BTBD9: variants seen among roughly 807,000 people sequenced by gnomAD.
BTBD9 encodes the protein BTB domain containing 9.
Under a neutral mutation model 64.3 loss-of-function variants are expected in BTBD9, and 49 were observed. The ratio of observed to expected loss-of-function variants is 0.76; its 90% CI spans 0.61 to 0.97. The LOEUF (loss-of-function observed/expected upper bound fraction) is 0.97, where lower values mean the gene tolerates loss of function less well. Among genes scored for constraint, BTBD9 ranks in the 50% least tolerant of loss-of-function variants. The pLI is 0.00. For synonymous variants in BTBD9, 260 were observed against 274.7 expected (o/e 0.95, Z 0.53); for missense variants, 598 against 762.1 (o/e 0.78, Z 2.53).
chr6:38,456,134 T>C (rs1769794794), intron 6 of BTBD9, among the ~76,000 whole-genome samples: 1 of 151,980 alleles, frequency 6.6e-6, no homozygotes, highest in Non-Finnish European at 1.5e-5. Context: ...ATTACTGGCA[T>C]GTGCCACCAC....
intron 1 of BTBD9, among the ~76,000 whole-genome samples, chr6:38,600,997 A>G (rs1015523763): frequency 6.6e-6 from 1 of 152,190 alleles, no homozygotes; most frequent in Non-Finnish European, 1.5e-5. Flanking sequence ...TAATTAGACT[A>G]GTGATTCTCA....
At chr6:38,427,427 G>T (rs1441341224) in intron 6 of BTBD9, among the ~76,000 whole-genome samples, 2 of 151,954 alleles carry the variant, frequency 1.3e-5, no homozygotes, top group African/African-American at 4.9e-5. Flanking sequence ...TTTTGTAAAA[G>T]CTCCCCAAAT....
At chr6:38,533,641 G>A (rs1351441959) in intron 6 of BTBD9, among the ~76,000 whole-genome samples, 1 of 152,076 alleles carries the variant, frequency 6.6e-6, no homozygotes, top group Non-Finnish European at 1.5e-5. Context: ...CATATGTTAG[G>A]TCACAAAAAA....
intron 6 of BTBD9, among the ~76,000 whole-genome samples, chr6:38,565,008 G>T (rs1775426914): frequency 1.3e-5 from 2 of 152,054 alleles, no homozygotes; most frequent in South Asian, 4.2e-4. Flanking sequence ...AGCTTAAACT[G>T]ATTCCTTCAC....
chr6:38,596,871 G>A (rs1777055004), intron 2 of BTBD9, among the ~76,000 whole-genome samples: 2 of 151,256 alleles, frequency 1.3e-5, no homozygotes, highest in South Asian at 4.2e-4. Context: ...ATTTTAAAAA[G>A]AGGAAGAAAT....
At chr6:38,383,758 C>T (rs563630235) in intron 6 of BTBD9, among the ~76,000 whole-genome samples, 6 of 152,286 alleles carry the variant, frequency 3.9e-5, no homozygotes, top group African/African-American at 9.6e-5. Context: ...TTACACTAAA[C>T]GGTGAGTAAT....
At chr6:38,183,898 G>A (rs909900190) in intron 10 of BTBD9, among the ~76,000 whole-genome samples, 3 of 152,174 alleles carry the variant, frequency 2.0e-5, no homozygotes, top group African/African-American at 4.8e-5. Flanking sequence ...TTATGGAGGG[G>A]TTACTGTGTG....
At chr6:38,411,025 C>A (rs1236932135) in intron 6 of BTBD9, among the ~76,000 whole-genome samples, 1 of 152,070 alleles carries the variant, frequency 6.6e-6, no homozygotes, top group Non-Finnish European at 1.5e-5. Context: ...AATATCCTTA[C>A]CAACTCTCCA....
At chr6:38,445,815 C>T (rs1001284424) in intron 6 of BTBD9, among the ~76,000 whole-genome samples, 2 of 152,174 alleles carry the variant, frequency 1.3e-5, no homozygotes, top group African/African-American at 4.8e-5. Flanking sequence ...ACCATATAAT[C>T]TGGCAAGATG....
chr6:38,356,644 G>C (rs1183343818), intron 6 of BTBD9, among the ~76,000 whole-genome samples: 1 of 152,020 alleles, frequency 6.6e-6, no homozygotes, highest in Non-Finnish European at 1.5e-5. Context: ...TTTTGTTTCA[G>C]ATTAGTTTCC....
At chr6:38,378,000 T>C (rs901186347) in intron 6 of BTBD9, among the ~76,000 whole-genome samples, 3 of 152,142 alleles carry the variant, frequency 2.0e-5, no homozygotes, top group Non-Finnish European at 2.9e-5. Flanking sequence ...CACCCTTCAA[T>C]ATGTCTGCGT....
At chr6:38,489,679 A>T (rs1030448085) in intron 6 of BTBD9, among the ~76,000 whole-genome samples, 2 of 152,220 alleles carry the variant, frequency 1.3e-5, no homozygotes, top group African/African-American at 4.8e-5. Context: ...GCATTATTCA[A>T]AATATTTTTC....
At chr6:38,389,803 T>G (rs1036627700) in intron 6 of BTBD9, among the ~76,000 whole-genome samples, 4 of 152,218 alleles carry the variant, frequency 2.6e-5, no homozygotes, top group African/African-American at 9.6e-5. Context: ...GTATTGTACA[T>G]TTTACAGGTT....
Position 38,592,822 on chromosome 6 carries a change from C to T in BTBD9, c.568G>A (p.Val190Met), listed in dbSNP as rs1562389811. ...SLSKTALLNI[V>M]LRDSFAAPEK... is the part of the protein sequence containing the mutation. ...GGAGCTGCAAATGAGTCTCTTAACA[C>T]GATGTTTAAAAGTGCTGTCTGAAAA... The change falls in exon 4 of 11, where the codon GTG (valine) becomes ATG (methionine). Residue 190 changes from valine (V) to methionine (M), a missense_variant. Val to Met is a conservative substitution (Grantham distance 21). Coordinates refer to ENST00000481247, the MANE Select transcript of BTBD9 (RefSeq NM_001099272.2). The T allele has an allele frequency of 1.2e-6, 2 of 1,614,028 alleles. No homozygotes were observed. The highest frequency in any genetic ancestry group is 1.1e-5 in the South Asian group (1 of 91,040).
At chr6:38,616,190 G>A (rs1777783143) in intron 1 of BTBD9, among the ~76,000 whole-genome samples, 1 of 152,136 alleles carries the variant, frequency 6.6e-6, no homozygotes, top group Non-Finnish European at 1.5e-5. Flanking sequence ...GATCTCAGTG[G>A]TATAATCACA....
At chr6:38,203,666 A>G (rs1762538266) in intron 9 of BTBD9, among the ~76,000 whole-genome samples, 1 of 152,150 alleles carries the variant, frequency 6.6e-6, no homozygotes, top group East Asian at 1.9e-4. Flanking sequence ...CAAACCCCAC[A>G]TGTTTTCTCT....
intron 7 of BTBD9, among the ~76,000 whole-genome samples, chr6:38,289,525 G>C (rs1761879045): frequency 6.6e-6 from 1 of 152,020 alleles, no homozygotes; most frequent in African/African-American, 2.4e-5. Context: ...CTATTATTCT[G>C]AAAGTCTGTT....
chr6:38,317,965 C>T (rs965665191), intron 7 of BTBD9, among the ~76,000 whole-genome samples: 12 of 144,746 alleles, frequency 8.3e-5, no homozygotes, highest in Admixed American at 2.1e-4. Flanking sequence ...GACAGAGCCT[C>T]GCTGTGTTGC....
chr6:38,591,931 T>A (rs1481217345), intron 4 of BTBD9, among the ~76,000 whole-genome samples: 1 of 152,144 alleles, frequency 6.6e-6, no homozygotes, highest in African/African-American at 2.4e-5. Flanking sequence ...ATGCCTGTAA[T>A]CCCAGCACTT....
Sources: allele counts gnomAD v4.1 joint callset (sites outside exome capture counted in the v4.1 genomes callset), GRCh38; gene constraint gnomAD v4.1.1; transcripts MANE v1.5; gene names NCBI Gene and HGNC (gene_info 2026-07-23, HGNC 2026-07-21).